Variants in PEMT observed in about 807,000 individuals in gnomAD.
PEMT encodes phosphatidylethanolamine N-methyltransferase.
A neutral mutation model predicts 27.4 loss-of-function variants in PEMT; 23 were observed. The observed-to-expected ratio is 0.84, with a 90% CI of 0.60 to 1.19. The LOEUF (loss-of-function observed/expected upper bound fraction) is 1.19. Ranked by LOEUF, PEMT falls within the 50% of genes most tolerant of loss-of-function variation. PEMT has a pLI of 0.00. For synonymous variants in PEMT, 137 were observed against 139.1 expected (o/e 0.98, Z 0.11); for missense variants, 307 against 310.1 (o/e 0.99, Z 0.07).
chr17:17,525,731 A>T (rs1488592587), intron 2 of PEMT, among the ~76,000 whole-genome samples: 1 of 152,226 alleles, frequency 6.6e-6, no homozygotes, highest in Non-Finnish European at 1.5e-5. Flanking sequence ...ACAGTGGCTC[A>T]CGTCTGTAAT....
chr17:17,528,541 A>G lies in PEMT; in HGVS notation c.205-6146T>C, dbSNP rs9894937. Among the ~76,000 whole-genome samples the G allele has an allele frequency of 3.8e-3, 585 of 152,320 alleles. 3 individuals carry two copies. Among genetic ancestry groups the G allele is most frequent in the African/African-American group, 0.013 (553 of 41,570 alleles). ...CAGGGAGCCAGGAAGGGAGGGGGCC[A>G]CTAGCTGGGCTCCATGAAGAGAGGA... On this transcript the variant is annotated intron_variant, in intron 2 of 6. Coordinates refer to ENST00000255389, the MANE Select transcript of PEMT (RefSeq NM_148172.3).
rs577766394 is a variant in PEMT at position 17,569,865 on chromosome 17, C to T, written c.204+7055G>A. 2.0e-3 allele frequency among the ~76,000 whole-genome samples: 304 copies of T among 152,270 alleles called. 1 individual carries two copies. The highest frequency in any genetic ancestry group is 6.7e-3 in the African/African-American group (280 of 41,556). On this transcript the variant is annotated intron_variant, in intron 2 of 6. Transcript: ENST00000255389. ...CAACACAGGGCATGGCAGGGCAGGG[C>T]AAGCAGGGGGGCTCTGGGAGCTGGA...
chr17:17,509,112 A>C (rs1024343931), intron 5 of PEMT, among the ~76,000 whole-genome samples: 2 of 152,290 alleles, frequency 1.3e-5, no homozygotes, highest in Non-Finnish European at 2.9e-5. Context: ...CTGGCGCCAA[A>C]GACGCGCATC....
chr17:17,568,521 C>G (rs1310337697), intron 2 of PEMT, among the ~76,000 whole-genome samples: 6 of 152,198 alleles, frequency 3.9e-5, no homozygotes, highest in African/African-American at 1.4e-4. Context: ...CATTTCAGAG[C>G]TAGATGGGGC....
chr17:17,556,397 G>T (rs927736788), intron 2 of PEMT, among the ~76,000 whole-genome samples: 1 of 150,732 alleles, frequency 6.6e-6, no homozygotes, highest in African/African-American at 2.4e-5. Flanking sequence ...TTTTTTAGAC[G>T]GAGTCTCGCT....
chr17:17,538,016 G>C (rs1000835516), intron 2 of PEMT, among the ~76,000 whole-genome samples: 1 of 152,232 alleles, frequency 6.6e-6, no homozygotes, highest in Non-Finnish European at 1.5e-5. Context: ...CCTCAGGAAG[G>C]GACAGCTGCT....
chr17:17,581,827 G>A (rs780610264), intron 1 of PEMT, among the ~76,000 whole-genome samples: 3 of 152,248 alleles, frequency 2.0e-5, no homozygotes, highest in South Asian at 4.1e-4. Context: ...CACCTGCTTC[G>A]CTGGAAAGAA....
chr17:17,572,443 T>C (rs1303763799), intron 2 of PEMT, among the ~76,000 whole-genome samples: 1 of 152,212 alleles, frequency 6.6e-6, no homozygotes, highest in East Asian at 1.9e-4. Flanking sequence ...GCGGCAGCTG[T>C]CCCTTAAAAC....
intron 2 of PEMT, among the ~76,000 whole-genome samples, chr17:17,548,444 T>C (rs1909411214): frequency 6.6e-6 from 1 of 152,136 alleles, no homozygotes; most frequent in South Asian, 2.1e-4. Context: ...GCACTGGAGA[T>C]CATGTCACCT....
rs1357702228 is a variant in PEMT, at chr17:17,561,637, G to C, written c.204+15283C>G. On this transcript the variant is annotated intron_variant, in intron 2 of 6. Transcript: ENST00000255389. The surrounding 1 kb of genome is among the most constrained non-coding windows in gnomAD (Gnocchi z 4.5). The stretch of plus-strand genomic sequence containing the variant: ...GCCAGGCAGCTGTGCCTGGGTCACA[G>C]ATGAGAATACCAAGGCTCGGAGAAG... Among the ~76,000 whole-genome samples, 1 of 152,230 alleles carries C rather than the reference G, an allele frequency of 6.6e-6. No individual in the cohort carries two copies. Among genetic ancestry groups the C allele is most frequent in the African/African-American group, 2.4e-5 (1 of 41,462 alleles).
At chr17:17,520,228 G>A (rs190438358) in intron 3 of PEMT, among the ~76,000 whole-genome samples, 74 of 152,306 alleles carry the variant, frequency 4.9e-4, no homozygotes, top group African/African-American at 1.7e-3. Context: ...TGCAGCCAGG[G>A]CCCCATCCTG....
At chr17:17,533,055 A>T (rs1345044282) in intron 2 of PEMT, among the ~76,000 whole-genome samples, 1 of 152,184 alleles carries the variant, frequency 6.6e-6, no homozygotes, top group Non-Finnish European at 1.5e-5. Context: ...AAAAAACCAA[A>T]GTTGGAGGAC....
rs1026216318 is a variant in PEMT, at chr17:17,507,011, C to T, written c.579-710G>A. On this transcript the variant is annotated intron_variant, in intron 5 of 6. Transcript: ENST00000255389. ...GCAGGCCCAAGGCCGGATGGAGCAT[C>T]GCCAGGGGCTCTTTGCTGGTGACCA... is the stretch of plus-strand genomic sequence containing the variant. The T allele has an allele frequency of 4.4e-5, 31 of 705,876 alleles. No individual in the cohort carries two copies. In the South Asian group the frequency reaches 4.7e-4, roughly 11 times the overall value. The allele number at this position is 705,876 out of a possible 1,614,324, so 43.7% of individuals were successfully genotyped here.
intron 2 of PEMT, among the ~76,000 whole-genome samples, chr17:17,569,944 T>C (rs1464035544): frequency 6.6e-6 from 1 of 152,168 alleles, no homozygotes; most frequent in Admixed American, 6.5e-5. Context: ...TCGCTGAGCC[T>C]GCTACAAATG....
chr17:17,508,532 C>T (rs1906085866), intron 5 of PEMT, among the ~76,000 whole-genome samples: 1 of 152,206 alleles, frequency 6.6e-6, no homozygotes, highest in African/African-American at 2.4e-5. Flanking sequence ...ATCCTCAGGT[C>T]TTGTGGAGAA....
chr17:17,555,933 G>C (rs1910020140), intron 2 of PEMT, among the ~76,000 whole-genome samples: 1 of 152,226 alleles, frequency 6.6e-6, no homozygotes. Flanking sequence ...AGAGCCAGCA[G>C]GCTTGAATGC....
chr17:17,531,240 C>T (rs544341771), intron 2 of PEMT, among the ~76,000 whole-genome samples: 1 of 152,118 alleles, frequency 6.6e-6, no homozygotes, highest in African/African-American at 2.4e-5. Flanking sequence ...GAGGTGGAAA[C>T]GCCAGAAGAA....
At position 17,539,685 on chromosome 17, in the gene PEMT, C is replaced by T. The variant is rs1367540148; in HGVS notation, c.205-17290G>A. 2.0e-5 allele frequency among the ~76,000 whole-genome samples: 3 copies of T among 152,204 alleles called. No individual in the cohort carries two copies. The East Asian group carries it at 5.8e-4, about 29-fold the overall frequency. ...CTGTCAGCTAATCACGATCATGGGG[C>T]CTGAATCAGCTCACAAGGTCACTGT... On this transcript the variant is annotated intron_variant, in intron 2 of 6. Transcript: ENST00000255389.
chr17:17,522,153 G>T, intron 3 of PEMT, 127 bp downstream of exon 3: 1 of 676,970 alleles, frequency 1.5e-6, no homozygotes, highest in Non-Finnish European at 2.6e-6. Context: ...GTGGCAGGTG[G>T]CTTTGAGAGC....
Sources: gnomAD v4.1 joint callset for allele counts (sites outside exome capture counted in the v4.1 genomes callset) on GRCh38, gnomAD v4.1.1 for gene constraint, Gnocchi (gnomAD v3.1) non-coding constraint, MANE v1.5 for transcripts, NCBI Gene and HGNC (gene_info 2026-07-23, HGNC 2026-07-21) for gene names.